The following TSBP1 variants were observed in gnomAD, a reference collection of about 807,000 sequenced individuals.
The protein encoded by TSBP1 is testis expressed basic protein 1.
Under a neutral mutation model 68.8 loss-of-function variants are expected in TSBP1, and 56 were observed. The observed-to-expected ratio is 0.81, with a 90% CI of 0.66 to 1.02. The LOEUF is 1.02. Ranked by LOEUF, TSBP1 falls within the 50% of genes least tolerant of loss-of-function variation. TSBP1 has a pLI of 0.00. For synonymous variants in TSBP1, 171 were observed against 208.7 expected, an observed-to-expected ratio of 0.82 and a Z score of 1.56; for missense variants, 502 against 641.2, an observed-to-expected ratio of 0.78 and a Z score of 2.34.
intron 6 of TSBP1, among the ~76,000 whole-genome samples, chr6:32,359,763 G>T (rs1415067442): frequency 6.6e-6 from 1 of 151,880 alleles, no homozygotes. Context: ...TTTCTTCTAG[G>T]GTTTTTATGG....
intron 14 of TSBP1, chr6:32,334,027 G>A: frequency 4.0e-6 from 1 of 250,266 alleles, no homozygotes. Flanking sequence ...TGAAGTAGAA[G>A]TCTTATGATA....
intron 20 of TSBP1, 24 bp from the exon 24 acceptor site, chr6:32,300,724 A>T (rs537757): frequency 0.38 from 616,757 of 1,604,540 alleles, 124,704 homozygotes; most frequent in Middle Eastern, 0.56. Flanking sequence ...AGGCAAACAC[A>T]TCAGTAGGTA....
intron 16 of TSBP1, among the ~76,000 whole-genome samples, chr6:32,330,193 T>C (rs1323803349): frequency 3.9e-5 from 6 of 152,202 alleles, no homozygotes; most frequent in Admixed American, 2.6e-4. Context: ...CTTTTCTCCC[T>C]TTTGTATTTA....
intron 16 of TSBP1, chr6:32,324,578 T>C: frequency 1.6e-5 from 25 of 1,533,178 alleles, no homozygotes; most frequent in Non-Finnish European, 2.2e-5. Flanking sequence ...TGTATCCCAA[T>C]ATGGGCAGAT....
intron 22 of TSBP1, among the ~76,000 whole-genome samples, chr6:32,295,874 C>T (rs1363619847): frequency 1.2e-4 from 14 of 120,388 alleles, no homozygotes; most frequent in Admixed American, 2.1e-4. Context: ...GATGGAGTTT[C>T]GCTCTTGTTG....
chr6:32,358,723 G>C (rs1276558153), intron 6 of TSBP1, among the ~76,000 whole-genome samples: 1 of 132,494 alleles, frequency 7.5e-6, no homozygotes, highest in African/African-American at 2.6e-5. Context: ...CTTCATCCAT[G>C]TTCCTACAAA....
intron 18 of TSBP1, among the ~76,000 whole-genome samples, chr6:32,322,886 C>T (rs1366128414): frequency 1.3e-5 from 2 of 150,838 alleles, no homozygotes; most frequent in Non-Finnish European, 3.0e-5. Context: ...CTCTCTCTTT[C>T]TCTCTCCACC....
At position 32,337,802 on chromosome 6, in the gene TSBP1, G is replaced by A. The variant is rs1311189275; in HGVS notation, c.410-1167C>T. ...TGAGCCACTGTGCTTGGCCTAATAT[G>A]TGCTTTTATGATACCTACCCAGTAT... On this transcript the variant is annotated intron_variant, in intron 11 of 22. Transcript: ENST00000612031. The surrounding 1 kb of genome is among the most constrained non-coding windows in gnomAD (Gnocchi z 5.5). Among the ~76,000 whole-genome samples the A allele has an allele frequency of 1.3e-5, 2 of 152,088 alleles. No homozygotes were observed. The highest frequency in any genetic ancestry group is 2.9e-5 in the Non-Finnish European group (2 of 68,016).
intron 8 of TSBP1, chr6:32,352,879 G>A (rs1205081877): frequency 2.6e-5 from 4 of 151,792 alleles, no homozygotes; most frequent in Non-Finnish European, 3.0e-5. Context: ...AAATAAGAGC[G>A]CCCACTTTGG....
intron 8 of TSBP1, among the ~76,000 whole-genome samples, chr6:32,353,673 A>C (rs1771954649): frequency 1.3e-5 from 2 of 151,994 alleles, no homozygotes; most frequent in Admixed American, 1.3e-4. Flanking sequence ...TTAGTAGTGA[A>C]AGCAATGGAG....
At chr6:32,327,179 A>C (rs1206920048) in intron 16 of TSBP1, among the ~76,000 whole-genome samples, 1 of 152,222 alleles carries the variant, frequency 6.6e-6, no homozygotes, top group African/African-American at 2.4e-5. Flanking sequence ...AAATGAAGAA[A>C]TGTGAGTTTC....
intron 22 of TSBP1, among the ~76,000 whole-genome samples, chr6:32,297,861 C>A (rs909199839): frequency 1.3e-5 from 2 of 151,756 alleles, no homozygotes; most frequent in Non-Finnish European, 2.9e-5. Flanking sequence ...GAGTTCGAGG[C>A]CAGCCTGGGC....
At chr6:32,345,183 CCTCTACTTGCTTTT>C (rs1770859188) in intron 9 of TSBP1, among the ~76,000 whole-genome samples, 2 of 144,236 alleles carry the variant, frequency 1.4e-5, no homozygotes, top group African/African-American at 2.6e-5. Context: ...TTTTCTTTTT[CCTCTACTTGCTTTT>C]AGGAGGTGGA....
At chr6:32,308,215 T>G (rs1043250563) in intron 19 of TSBP1, among the ~76,000 whole-genome samples, 1 of 152,168 alleles carries the variant, frequency 6.6e-6, no homozygotes, top group Non-Finnish European at 1.5e-5. Flanking sequence ...TTTAATTCTT[T>G]TAATTACATC....
chr6:32,368,601 T>C (rs1001363049), intron 3 of TSBP1, among the ~76,000 whole-genome samples, 181 bp downstream of exon 3: 7 of 152,148 alleles, frequency 4.6e-5, no homozygotes, highest in African/African-American at 1.7e-4. Flanking sequence ...AGTTTGGCAT[T>C]CAGTACTGCT....
intron 19 of TSBP1, among the ~76,000 whole-genome samples, chr6:32,308,453 C>A (rs1765999422): frequency 6.6e-6 from 1 of 150,526 alleles, no homozygotes; most frequent in Non-Finnish European, 1.5e-5. Flanking sequence ...AAAAAATTAG[C>A]CGGGCGTAGT....
At chr6:32,295,350 A>ACACAC (rs1491234107) in intron 22 of TSBP1, among the ~76,000 whole-genome samples, 3 of 55,272 alleles carry the variant, frequency 5.4e-5, no homozygotes, top group African/African-American at 7.7e-5. Flanking sequence ...ACACACACAC[A>ACACAC]AAAAAAAAAA....
rs137857669 is a variant in TSBP1, at chr6:32,365,138, T to A, written c.217+1029A>T. ...AACTCCTAGTCTCAAGAAGTCCTCCTGCCTCGGCCTCCCAAAGTGCTGGGA... is the reference window on the plus strand; with the variant it reads ...AACTCCTAGTCTCAAGAAGTCCTCCAGCCTCGGCCTCCCAAAGTGCTGGGA... On this transcript the variant is annotated intron_variant, in intron 6 of 22. Coordinates refer to ENST00000612031, the Ensembl canonical transcript of TSBP1. The surrounding 1 kb of genome is among the most constrained non-coding windows in gnomAD (Gnocchi z 4.3). Among the ~76,000 whole-genome samples, 376 of 151,898 alleles carry A rather than the reference T, an allele frequency of 2.5e-3. 7 individuals are homozygous for A. The highest frequency in any genetic ancestry group is 0.024 in the East Asian group (124 of 5,148).
At chr6:32,303,052 T>G (rs1366305600) in intron 19 of TSBP1, among the ~76,000 whole-genome samples, 1 of 152,208 alleles carries the variant, frequency 6.6e-6, no homozygotes, top group Non-Finnish European at 1.5e-5. Flanking sequence ...TATAGCTTCT[T>G]TTTATGTCAC....
Sources: allele counts gnomAD v4.1 joint callset (sites outside exome capture counted in the v4.1 genomes callset), GRCh38; gene constraint gnomAD v4.1.1; non-coding constraint Gnocchi (gnomAD v3.1); transcripts MANE v1.5; gene names NCBI Gene and HGNC (gene_info 2026-07-23, HGNC 2026-07-21).